OSBP: variants seen among roughly 807,000 people sequenced by gnomAD.
The protein encoded by OSBP is oxysterol binding protein, also known as oxysterol-binding protein 1.
In OSBP, 32 loss-of-function variants were observed where a neutral mutation model predicts 96.6. The ratio of observed to expected loss-of-function variants is 0.33; its 90% CI spans 0.25 to 0.45. The LOEUF is 0.45. Ranked by LOEUF, OSBP falls within the 20% of genes least tolerant of loss-of-function variation. The pLI, the probability that OSBP is intolerant of heterozygous loss-of-function variation, is 1.00. For synonymous variants in OSBP, 369 were observed against 389.6 expected (o/e 0.95, Z 0.62); for missense variants, 653 against 1,029.7 (o/e 0.63, Z 5.01).
Position 59,576,333 on chromosome 11 carries a change from G to A in OSBP, c.*244C>T, listed in dbSNP as rs751916719. 29 of 458,044 alleles carry A rather than the reference G, an allele frequency of 6.3e-5. No individual in the cohort carries two copies. The highest frequency in any genetic ancestry group is 1.9e-4 in the South Asian group (5 of 25,782). 28.4% of individuals were successfully genotyped at this position (458,044 alleles called of 1,614,324 possible). On this transcript the variant is annotated 3_prime_UTR_variant, in exon 14 of 14. Transcript: ENST00000263847. ...TGGATGTGGAATAACACTAACCTTC[G>A]GCCACTAAACCTCTCCCTTACAGAC...
chr11:59,608,906 G>A (rs1860814194), intron 2 of OSBP, among the ~76,000 whole-genome samples, 172 bp from the exon 3 acceptor site: 1 of 152,120 alleles, frequency 6.6e-6, no homozygotes. Flanking sequence ...CAGATCACCT[G>A]CACCACAAAC....
Position 59,600,840 on chromosome 11 carries a change from A to G in OSBP, c.1158T>C (p.Ser386=), listed in dbSNP as rs755675534. The change falls in exon 6 of 14, where the codon AGT becomes AGC. Residue 386 remains serine (S), a synonymous_variant. Transcript: ENST00000263847. ...TTACCTGTTCATCAAGGCTGATGTC[A>G]CTGCTGGCTCCACTGATATTGCTGC... is the stretch of plus-strand genomic sequence containing the variant. ...RTGSNISGAS[S]DISLDEQYKH... is the part of the protein sequence containing the mutation. 6.2e-7 allele frequency: 1 copy of G among 1,613,804 alleles called. No individual in the cohort carries two copies. Among genetic ancestry groups the G allele is most frequent in the East Asian group, 2.2e-5 (1 of 44,874 alleles).
At chr11:59,610,098 A>C (rs2134709338) in intron 2 of OSBP, among the ~76,000 whole-genome samples, 1 of 152,286 alleles carries the variant, frequency 6.6e-6, no homozygotes, top group South Asian at 2.1e-4. Flanking sequence ...TAGGAGGTTC[A>C]GCAGCATCCC....
chr11:59,592,010 G>T (rs1235241470), intron 9 of OSBP, among the ~76,000 whole-genome samples: 1 of 152,168 alleles, frequency 6.6e-6, no homozygotes, highest in African/African-American at 2.4e-5. Flanking sequence ...CCCATGGAAT[G>T]AAATATAATT....
intron 5 of OSBP, among the ~76,000 whole-genome samples, 168 bp downstream of exon 5, chr11:59,601,115 C>CAAAAAAAAA (rs11405726): frequency 8.8e-6 from 1 of 113,864 alleles, no homozygotes. Flanking sequence ...GATCTTGAGA[C>CAAAAAAAAA]AAAAAAAAAA....
chr11:59,601,905 C>T, intron 3 of OSBP, 67 bp from the exon 4 acceptor site: 1 of 1,412,944 alleles, frequency 7.1e-7, no homozygotes, highest in Non-Finnish European at 9.9e-7. Flanking sequence ...CTTCTGCAAG[C>T]CCATTGAGTA....
At chr11:59,596,196 CTGAGGGG>C (rs766539787) in intron 7 of OSBP, among the ~76,000 whole-genome samples, 105 of 152,052 alleles carry the variant, frequency 6.9e-4, no homozygotes, top group Non-Finnish European at 1.2e-3. Flanking sequence ...CAAATGCACA[CTGAGGGG>C]TGGCGCGCTG....
rs1565113185 is a variant in OSBP at position 59,578,342 on chromosome 11, G to C, written c.1879-12C>G. 1 of 1,612,868 alleles carries C rather than the reference G, an allele frequency of 6.2e-7. No individual in the cohort carries two copies. ...ACTTCCCCCGTCACCTGCAAGGGTG[G>C]AGAACAGGGCTTGGCTATATAGAAT... On this transcript the variant is annotated splice_polypyrimidine_tract_variant and intron_variant, in intron 11 of 13. Transcript: ENST00000263847.
intron 9 of OSBP, among the ~76,000 whole-genome samples, chr11:59,588,007 G>A (rs1860522601): frequency 6.6e-6 from 1 of 152,276 alleles, no homozygotes; most frequent in African/African-American, 2.4e-5. Context: ...GAATGGATAA[G>A]CAAAATGTGT....
chr11:59,608,664 G>T lies in OSBP; in HGVS notation c.642C>A (p.Leu214=). ...KTELQNTLRT[L]SSKVEDLSTC... is the part of the protein sequence containing the mutation. Reference sequence around the variant, plus strand: ...TGCTCAAGTCCTCTACTTTGCTAGAGAGGGTCCGAAGGGTATTCTGCAGCT... The same window carrying T: ...TGCTCAAGTCCTCTACTTTGCTAGATAGGGTCCGAAGGGTATTCTGCAGCT... The change falls in exon 3 of 14, where the codon CTC becomes CTA. Residue 214 remains leucine (L), a synonymous_variant. Transcript: ENST00000263847. 6.2e-7 allele frequency: 1 copy of T among 1,614,160 alleles called. No homozygotes were observed. Among genetic ancestry groups the T allele is most frequent in the African/African-American group, 1.3e-5 (1 of 75,046 alleles).
rs114089590 is a variant in OSBP at position 59,606,733 on chromosome 11, A to G, written c.822+1751T>C. The stretch of plus-strand genomic sequence containing the variant: ...GAGTGAAACATATTCTTCCTTTGAT[A>G]TAACTTTGCCCGTTTAGAGCTGTGA... On this transcript the variant is annotated intron_variant, in intron 3 of 13. Transcript: ENST00000263847. Among the ~76,000 whole-genome samples, 1,019 of 152,398 alleles carry G rather than the reference A, an allele frequency of 6.7e-3. 9 individuals are homozygous for G. Among genetic ancestry groups the G allele is most frequent in the African/African-American group, 0.023 (972 of 41,598 alleles).
intron 7 of OSBP, among the ~76,000 whole-genome samples, 168 bp from the exon 8 acceptor site, chr11:59,594,423 T>C (rs1386663685): frequency 1.3e-5 from 2 of 152,210 alleles, no homozygotes; most frequent in South Asian, 2.1e-4. Flanking sequence ...CAACTGTTCA[T>C]GTCTGTGAGT....
chr11:59,614,769 G>A (rs1021199534), intron 1 of OSBP, among the ~76,000 whole-genome samples: 4 of 152,344 alleles, frequency 2.6e-5, no homozygotes, highest in Non-Finnish European at 1.5e-5. Flanking sequence ...ACGGAATACC[G>A]AAGCCACCCT....
At chr11:59,579,335 C>CTT (rs760297069) in intron 11 of OSBP, among the ~76,000 whole-genome samples, 1 of 141,684 alleles carries the variant, frequency 7.1e-6, no homozygotes, top group Non-Finnish European at 1.6e-5. Context: ...TTCTTTCTTT[C>CTT]TTTTTTTTTT....
chr11:59,585,787 G>C (rs897141432), intron 9 of OSBP, among the ~76,000 whole-genome samples: 8 of 152,270 alleles, frequency 5.3e-5, no homozygotes, highest in Admixed American at 2.0e-4. Context: ...GTAGAAAGAA[G>C]TATACATGGG....
chr11:59,588,117 G>A (rs1590670045), intron 9 of OSBP, among the ~76,000 whole-genome samples: 1 of 152,206 alleles, frequency 6.6e-6, no homozygotes, highest in Admixed American at 6.5e-5. Context: ...TACGTTAGGT[G>A]AAACAAGCCA....
intron 9 of OSBP, among the ~76,000 whole-genome samples, chr11:59,585,188 G>C (rs1033419788): frequency 2.0e-5 from 3 of 151,858 alleles, no homozygotes; most frequent in South Asian, 4.2e-4. Context: ...TCTAGGAAGT[G>C]AGGAGCGCCT....
At chr11:59,595,993 AAAT>A (rs1860648713) in intron 7 of OSBP, among the ~76,000 whole-genome samples, 2 of 141,976 alleles carry the variant, frequency 1.4e-5, no homozygotes, top group African/African-American at 5.2e-5. Flanking sequence ...ATAAATAAAT[AAAT>A]AAAATTCATA....
Position 59,615,287 on chromosome 11 carries a change from C to T in OSBP, c.362+16G>A, listed in dbSNP as rs542353159. 154 of 1,585,876 alleles carry T rather than the reference C, an allele frequency of 9.7e-5. No homozygotes were observed. In the East Asian group the frequency reaches 3.2e-3, roughly 33 times the overall value. On this transcript the variant is annotated intron_variant, in intron 1 of 13. Transcript: ENST00000263847. ...GGGGGAGGCAAGGTGAGCGACAGCG[C>T]CCCGGAAGCAGTTACCTGTAGTAGC...
Sources: gnomAD v4.1 joint callset for allele counts (sites outside exome capture counted in the v4.1 genomes callset) on GRCh38, gnomAD v4.1.1 for gene constraint, MANE v1.5 for transcripts, NCBI Gene and HGNC (gene_info 2026-07-23, HGNC 2026-07-21) for gene names.